Variants in PPM1E observed in about 807,000 individuals in gnomAD.
PPM1E encodes protein phosphatase, Mg2+/Mn2+ dependent 1E.
A neutral mutation model predicts 65.9 loss-of-function variants in PPM1E; 20 were observed. The observed-to-expected ratio is 0.30, with a 90% CI of 0.21 to 0.44. The LOEUF (loss-of-function observed/expected upper bound fraction) is 0.44, where lower values mean the gene tolerates loss of function less well. Ranked by LOEUF, PPM1E falls within the 20% of genes least tolerant of loss-of-function variation. PPM1E has a pLI of 1.00. For missense variants in PPM1E, 713 were observed against 953.1 expected (o/e 0.75, Z 3.32); for synonymous variants, 352 against 374.9 (o/e 0.94, Z 0.70).
At chr17:58,959,596 C>G (rs2029966894) in intron 2 of PPM1E, among the ~76,000 whole-genome samples, 1 of 121,122 alleles carries the variant, frequency 8.3e-6, no homozygotes, top group Admixed American at 9.1e-5. Flanking sequence ...GAGACTCTGT[C>G]TCAAAAAAAA....
intron 1 of PPM1E, among the ~76,000 whole-genome samples, chr17:58,920,748 G>A (rs975905673): frequency 4.6e-5 from 7 of 152,120 alleles, no homozygotes; most frequent in East Asian, 1.9e-4. Flanking sequence ...CCTAGTGTTC[G>A]AATGAGAGGT....
chr17:58,819,722 G>A (rs2050460899), intron 1 of PPM1E, among the ~76,000 whole-genome samples: 1 of 152,038 alleles, frequency 6.6e-6, no homozygotes, highest in South Asian at 2.1e-4. Flanking sequence ...AGGGCAGGAG[G>A]GAGGTGCTAC....
At chr17:58,759,195 G>C (rs1326549509) in intron 1 of PPM1E, among the ~76,000 whole-genome samples, 1 of 152,214 alleles carries the variant, frequency 6.6e-6, no homozygotes, top group Non-Finnish European at 1.5e-5. Context: ...CCTGAGCACA[G>C]GAGGCCGAGG....
intron 1 of PPM1E, among the ~76,000 whole-genome samples, chr17:58,848,896 CT>C (rs1250571573): frequency 6.6e-6 from 1 of 152,224 alleles, no homozygotes; most frequent in Non-Finnish European, 1.5e-5. Context: ...GTGAATCCAT[CT>C]GGTCCTGGAC....
At chr17:58,949,450 T>C (rs1429105924) in intron 1 of PPM1E, among the ~76,000 whole-genome samples, 1 of 152,190 alleles carries the variant, frequency 6.6e-6, no homozygotes, top group Admixed American at 6.5e-5. Context: ...TTTTTGTTTG[T>C]TTGCTTTGTT....
At chr17:58,818,029 G>A (rs569828948) in intron 1 of PPM1E, among the ~76,000 whole-genome samples, 6 of 152,156 alleles carry the variant, frequency 3.9e-5, no homozygotes, top group East Asian at 3.9e-4. Flanking sequence ...GTGAGCCACC[G>A]CGCCCGGCCC....
At chr17:58,756,673 C>A (rs937919053) in intron 1 of PPM1E, among the ~76,000 whole-genome samples, 8 of 150,200 alleles carry the variant, frequency 5.3e-5, no homozygotes, top group African/African-American at 2.0e-4. Flanking sequence ...CGCCTCGGCC[C>A]CCACGCCTCC....
At chr17:58,923,661 C>T (rs562392433) in intron 1 of PPM1E, among the ~76,000 whole-genome samples, 4 of 150,598 alleles carry the variant, frequency 2.7e-5, no homozygotes, top group East Asian at 2.0e-4. Flanking sequence ...GCAGGAGAAT[C>T]GCTTGAACCT....
rs5821250 is a variant in PPM1E, at chr17:58,891,832, C to CTTTTTTTTTTTTTT, written c.465-63809_465-63796dup. On this transcript the variant is annotated intron_variant, in intron 1 of 6. Transcript: ENST00000308249. ...TTATGTTTTACATTTTTTTCTTTTT[C>CTTTTTTTTTTTTTT]TTTTTTTTTTTTTTTTTTTTTGAGA... Among the ~76,000 whole-genome samples, 26 of 85,456 alleles carry CTTTTTTTTTTTTTT rather than the reference C, an allele frequency of 3.0e-4. 1 individual carries two copies. Among genetic ancestry groups the CTTTTTTTTTTTTTT allele is most frequent in the Non-Finnish European group, 4.3e-4 (20 of 46,702 alleles). The allele number at this position is 85,456 out of a possible 152,430, so 56.1% of individuals were successfully genotyped here.
At chr17:58,884,783 G>T (rs1000788060) in intron 1 of PPM1E, among the ~76,000 whole-genome samples, 10 of 152,008 alleles carry the variant, frequency 6.6e-5, no homozygotes, top group African/African-American at 1.2e-4. Context: ...GGTGACCAGA[G>T]AATTAATTAA....
rs2049775962 is a variant in PPM1E, at chr17:58,757,088, A to C, written c.464+627A>C. ...AAGGGCTTTTTAGATGTTTTCACAC[A>C]GGGAAGCCTAGTCTCTTAGTTTAGA... On this transcript the variant is annotated intron_variant, in intron 1 of 6. Coordinates refer to ENST00000308249, the MANE Select transcript of PPM1E (RefSeq NM_014906.5). Among the ~76,000 whole-genome samples, 3 of 152,218 alleles carry C rather than the reference A, an allele frequency of 2.0e-5. No individual in the cohort carries two copies. The South Asian group carries it at 6.2e-4, about 32-fold the overall frequency.
intron 1 of PPM1E, among the ~76,000 whole-genome samples, chr17:58,889,528 G>A (rs2051320352): frequency 6.6e-6 from 1 of 152,222 alleles, no homozygotes; most frequent in Non-Finnish European, 1.5e-5. Flanking sequence ...GAACCCAGGA[G>A]GCGGAGGTTG....
intron 1 of PPM1E, among the ~76,000 whole-genome samples, chr17:58,896,688 C>T (rs762045854): frequency 7.9e-5 from 12 of 152,198 alleles, no homozygotes; most frequent in Non-Finnish European, 1.6e-4. Context: ...TAAAAGTGCA[C>T]AGTGAAGCAG....
chr17:58,934,530 G>C (rs533034760), intron 1 of PPM1E, among the ~76,000 whole-genome samples: 1 of 152,188 alleles, frequency 6.6e-6, no homozygotes, highest in African/African-American at 2.4e-5. Context: ...AATATGTATT[G>C]AGCACTGTGT....
intron 1 of PPM1E, among the ~76,000 whole-genome samples, chr17:58,828,252 T>C (rs1054548358): frequency 2.0e-5 from 3 of 151,800 alleles, no homozygotes; most frequent in African/African-American, 7.3e-5. Flanking sequence ...TTATTCAATG[T>C]AATATGTGTA....
At chr17:58,785,354 A>G (rs1308062611) in intron 1 of PPM1E, 1 of 147,434 alleles carries the variant, frequency 6.8e-6, no homozygotes. Context: ...TGCCCAGGCA[A>G]GAGTGCAGTG....
chr17:58,924,624 T>C (rs560466860), intron 1 of PPM1E, among the ~76,000 whole-genome samples: 41 of 152,328 alleles, frequency 2.7e-4, no homozygotes, highest in Non-Finnish European at 5.1e-4. Flanking sequence ...GTTTGTTACA[T>C]AGGCATACAT....
At chr17:58,867,841 G>A (rs1326870218) in intron 1 of PPM1E, among the ~76,000 whole-genome samples, 1 of 152,096 alleles carries the variant, frequency 6.6e-6, no homozygotes, top group African/African-American at 2.4e-5. Flanking sequence ...CAAATGCATG[G>A]GGGCTGAGGG....
chr17:58,771,091 G>C (rs976216545), intron 1 of PPM1E, among the ~76,000 whole-genome samples: 2 of 151,664 alleles, frequency 1.3e-5, no homozygotes, highest in Non-Finnish European at 2.9e-5. Context: ...TCTTGACCTT[G>C]TGATCTGCCC....
Sources: allele counts gnomAD v4.1 joint callset (sites outside exome capture counted in the v4.1 genomes callset), GRCh38; gene constraint gnomAD v4.1.1; transcripts MANE v1.5; gene names NCBI Gene and HGNC (gene_info 2026-07-23, HGNC 2026-07-21).